The following ARHGAP42 variants were observed in gnomAD, a reference collection of about 807,000 sequenced individuals.
ARHGAP42 encodes the protein Rho GTPase activating protein 42, also known as rho GTPase-activating protein 42.
ARHGAP42 carries 63 observed loss-of-function variants against 125.0 expected under a neutral mutation model. The observed-to-expected ratio is 0.50, with a 90% confidence interval of 0.41 to 0.62. The LOEUF (loss-of-function observed/expected upper bound fraction) is 0.62. Ranked by LOEUF, ARHGAP42 falls within the 20% of genes least tolerant of loss-of-function variation. The probability of loss-of-function intolerance (pLI) is 0.00; values close to 1 mark genes in which losing one functional copy is unlikely to be tolerated. For missense variants in ARHGAP42, 766 were observed against 1,024.2 expected (o/e 0.75, Z 3.44); for synonymous variants, 339 against 351.0 (o/e 0.97, Z 0.38).
intron 4 of ARHGAP42, among the ~76,000 whole-genome samples, chr11:100,890,289 A>G (rs1303687429): frequency 1.3e-5 from 2 of 152,164 alleles, no homozygotes; most frequent in Non-Finnish European, 2.9e-5. Context: ...AAACTGTTCC[A>G]GGCTGCAGTG....
intron 3 of ARHGAP42, among the ~76,000 whole-genome samples, chr11:100,851,293 G>C (rs889192281): frequency 6.6e-6 from 1 of 152,148 alleles, no homozygotes; most frequent in Non-Finnish European, 1.5e-5. Context: ...GCTAACAAGA[G>C]CAACAGCATT....
At chr11:100,866,743 T>G (rs539863151) in intron 4 of ARHGAP42, among the ~76,000 whole-genome samples, 2 of 152,254 alleles carry the variant, frequency 1.3e-5, no homozygotes, top group East Asian at 1.9e-4. Context: ...GCCCCCATGA[T>G]CCAGTCACCT....
At chr11:100,745,849 A>G (rs1414406315) in intron 1 of ARHGAP42, among the ~76,000 whole-genome samples, 3 of 152,138 alleles carry the variant, frequency 2.0e-5, no homozygotes, top group Non-Finnish European at 2.9e-5. Context: ...AGTTTATCCA[A>G]TTTACATTTT....
chr11:100,850,885 T>C (rs1245355974), intron 3 of ARHGAP42, among the ~76,000 whole-genome samples: 1 of 91,878 alleles, frequency 1.1e-5, no homozygotes, highest in African/African-American at 3.1e-5. Flanking sequence ...TTTTTTTTTT[T>C]TTTTTTTTTT....
intron 3 of ARHGAP42, among the ~76,000 whole-genome samples, chr11:100,833,743 G>A (rs935056687): frequency 2.0e-5 from 3 of 151,966 alleles, no homozygotes; most frequent in African/African-American, 7.3e-5. Flanking sequence ...CTTTGACCTA[G>A]CCCCTGCACC....
chr11:100,899,739 T>G (rs1178502188), intron 4 of ARHGAP42, among the ~76,000 whole-genome samples: 2 of 150,602 alleles, frequency 1.3e-5, no homozygotes, highest in African/African-American at 4.9e-5. Flanking sequence ...TTTTTGTTTT[T>G]TTTTGCTCTC....
Position 100,993,860 on chromosome 11 carries a change from C to G in ARHGAP42, c.*5059C>G, listed in dbSNP as rs1337626856. The stretch of plus-strand genomic sequence containing the variant: ...AAATAACCTCATGTTTATTCCTAAT[C>G]TAAATTGCCACAATATTTTTAATGT... On this transcript the variant is annotated 3_prime_UTR_variant, in exon 24 of 24. Transcript: ENST00000298815. 1.2e-5 allele frequency: 2 copies of G among 167,106 alleles called. No homozygotes were observed. The highest frequency in any genetic ancestry group is 3.9e-4 in the East Asian group (2 of 5,190). 10.4% of individuals were successfully genotyped at this position (167,106 alleles called of 1,614,324 possible).
intron 1 of ARHGAP42, among the ~76,000 whole-genome samples, chr11:100,757,155 T>TG (rs1862596649): frequency 6.6e-6 from 1 of 152,106 alleles, no homozygotes. Context: ...AAATAAGACA[T>TG]GAAAATTATA....
chr11:100,961,370 A>C (rs1387444947), intron 14 of ARHGAP42, among the ~76,000 whole-genome samples: 1 of 152,060 alleles, frequency 6.6e-6, no homozygotes, highest in Non-Finnish European at 1.5e-5. Context: ...CCTGCCTCTT[A>C]AGAGTTGTGA....
At chr11:100,845,814 G>A (rs762758792) in intron 3 of ARHGAP42, among the ~76,000 whole-genome samples, 25 of 152,090 alleles carry the variant, frequency 1.6e-4, no homozygotes, top group Non-Finnish European at 3.4e-4. Context: ...TATGTTCCCT[G>A]GTTAGTAAGC....
At chr11:100,822,970 T>G (rs952032483) in intron 3 of ARHGAP42, among the ~76,000 whole-genome samples, 2 of 152,052 alleles carry the variant, frequency 1.3e-5, no homozygotes, top group Non-Finnish European at 2.9e-5. Flanking sequence ...TTGCTGGTAC[T>G]CTCATGTGAC....
intron 17 of ARHGAP42, among the ~76,000 whole-genome samples, chr11:100,966,705 T>C (rs1332285529): frequency 6.6e-6 from 1 of 152,150 alleles, no homozygotes; most frequent in South Asian, 2.1e-4. Flanking sequence ...GTAAAATTAA[T>C]CATTATAAAT....
At chr11:100,751,719 C>T (rs1591151392) in intron 1 of ARHGAP42, among the ~76,000 whole-genome samples, 1 of 150,480 alleles carries the variant, frequency 6.6e-6, no homozygotes. Context: ...AAGTGATCCA[C>T]CTCACAGACA....
intron 2 of ARHGAP42, among the ~76,000 whole-genome samples, chr11:100,789,628 A>G (rs150914263): frequency 3.9e-5 from 6 of 152,308 alleles, no homozygotes; most frequent in Admixed American, 2.6e-4. Flanking sequence ...GTGATCACCT[A>G]ATGCGTCTTG....
chr11:100,864,350 A>G (rs1302471810), intron 4 of ARHGAP42, among the ~76,000 whole-genome samples: 2 of 151,888 alleles, frequency 1.3e-5, no homozygotes, highest in Admixed American at 6.6e-5. Flanking sequence ...ATGCCTGGCT[A>G]ATTTTTGTAT....
chr11:100,936,041 T>C (rs894694713), intron 7 of ARHGAP42, among the ~76,000 whole-genome samples, 162 bp from the exon 8 acceptor site: 4 of 152,112 alleles, frequency 2.6e-5, no homozygotes, highest in African/African-American at 9.7e-5. Flanking sequence ...GAGGATCACT[T>C]GTGCCCTGGA....
chr11:100,961,588 C>G, intron 14 of ARHGAP42, 96 bp from the exon 15 acceptor site: 2 of 1,000,646 alleles, frequency 2.0e-6, no homozygotes, highest in Non-Finnish European at 1.5e-6. Context: ...GAATACCTCT[C>G]TCTTTTGACC....
At chr11:100,932,550 T>C (rs1430164716) in intron 6 of ARHGAP42, among the ~76,000 whole-genome samples, 2 of 152,178 alleles carry the variant, frequency 1.3e-5, no homozygotes, top group Non-Finnish European at 2.9e-5. Flanking sequence ...AAATTATGAC[T>C]TTGTAAAGAT....
At chr11:100,975,915 C>T (rs576176169) in intron 19 of ARHGAP42, 142 bp from the exon 20 acceptor site, 12 of 826,886 alleles carry the variant, frequency 1.5e-5, no homozygotes, top group East Asian at 1.1e-4. Flanking sequence ...GACAGTTCTC[C>T]GTACTAGGTA....
Sources: allele counts gnomAD v4.1 joint callset (sites outside exome capture counted in the v4.1 genomes callset), GRCh38; gene constraint gnomAD v4.1.1; transcripts MANE v1.5; gene names NCBI Gene and HGNC (gene_info 2026-07-23, HGNC 2026-07-21).